The following PSMB10 variants were observed in gnomAD, a reference collection of about 807,000 sequenced individuals.
The protein encoded by PSMB10 is proteasome 20S subunit beta 10, also known as proteasome subunit beta type-10.
A neutral mutation model predicts 29.8 loss-of-function variants in PSMB10; 29 were observed. The ratio of observed to expected loss-of-function variants is 0.97; its 90% confidence interval spans 0.73 to 1.33. The LOEUF is 1.33. PSMB10 is among the 40% of genes most tolerant of loss of function. The pLI, the probability that PSMB10 is intolerant of heterozygous loss-of-function variation, is 0.00. For synonymous variants in PSMB10, 157 were observed against 164.7 expected, an observed-to-expected ratio of 0.95 and a Z score of 0.36; for missense variants, 327 against 369.2, an observed-to-expected ratio of 0.89 and a Z score of 0.94.
chr16:67,936,389 G>A lies in PSMB10; in HGVS notation c.144+9C>T. The A allele has an allele frequency of 6.2e-7, 1 of 1,612,174 alleles. No individual in the cohort carries two copies. On this transcript the variant is annotated intron_variant, in intron 2 of 7. Coordinates refer to ENST00000358514, the MANE Select transcript of PSMB10 (RefSeq NM_002801.4). ...CCCCTCCAGCTCCCCGTCCCTCCCC[G>A]CTGCTCACTTGGAACACCAGGCCCG... is the stretch of plus-strand genomic sequence containing the variant.
Position 67,936,724 on chromosome 16 carries a change from C to A in PSMB10, c.26G>T (p.Arg9Leu). 6.4e-7 allele frequency: 1 copy of A among 1,557,040 alleles called. No homozygotes were observed. Reference sequence around the variant, plus strand: ...GCAGTTCTCGAAGGAGAAGCCCCCTCGGGGCTCCAGGGCTGGCTTCAGCAT... The same window carrying A: ...GCAGTTCTCGAAGGAGAAGCCCCCTAGGGGCTCCAGGGCTGGCTTCAGCAT... MLKPALEP[R>L]GGFSFENCQR... Residue 9 changes from arginine (R) to leucine (L), a missense_variant, in exon 1 of 8, where the codon CGA becomes CTA. Transcript: ENST00000358514.
In PSMB10 at chr16:67,936,724, C is replaced by T. The variant is rs956621329; in HGVS notation, c.26G>A (p.Arg9Gln). The T allele has an allele frequency of 1.3e-6, 2 of 1,556,922 alleles. No homozygotes were observed. Among genetic ancestry groups the T allele is most frequent in the African/African-American group, 1.4e-5 (1 of 73,326 alleles). ...GCAGTTCTCGAAGGAGAAGCCCCCTCGGGGCTCCAGGGCTGGCTTCAGCAT... is the reference window on the plus strand; with the variant it reads ...GCAGTTCTCGAAGGAGAAGCCCCCTTGGGGCTCCAGGGCTGGCTTCAGCAT... The part of the protein sequence containing the change: MLKPALEP[R>Q]GGFSFENCQR... The change falls in exon 1 of 8, where the codon CGA (arginine) becomes CAA (glutamine). Residue 9 changes from arginine (R) to glutamine (Q), a missense_variant. Arg to Gln is a conservative substitution (Grantham distance 43, BLOSUM62 1). Coordinates refer to ENST00000358514, the MANE Select transcript of PSMB10 (RefSeq NM_002801.4).
intron 1 of PSMB10, 82 bp downstream of exon 1, chr16:67,936,612 T>G: frequency 1.5e-6 from 2 of 1,336,840 alleles, no homozygotes; most frequent in Non-Finnish European, 2.1e-6. Context: ...CAACACACCC[T>G]CCCCCACCCC....
chr16:67,936,032 T>G lies in PSMB10; in HGVS notation c.314A>C (p.His105Pro), dbSNP rs764556949. Residue 105 changes from histidine (H) to proline (P), a missense_variant, in exon 4 of 8, where the codon CAC becomes CCC. By Grantham distance (77) the His-to-Pro change is moderately conservative. Transcript: ENST00000358514. The part of the protein sequence containing the change: ...TRMVASKMEL[H>P]ALSTGREPRV... The stretch of plus-strand genomic sequence containing the variant: ...GGGCTCGCGGCCCGTAGATAACGCG[T>G]GTAGCTCCATCTTGGACGCCACCAT... 1.2e-6 allele frequency: 2 copies of G among 1,612,872 alleles called. No homozygotes were observed. The highest frequency in any genetic ancestry group is 4.5e-5 in the East Asian group (2 of 44,840).
chr16:67,934,544 A>G lies in PSMB10; in HGVS notation c.*16T>C. On this transcript the variant is annotated 3_prime_UTR_variant, in exon 8 of 8. Coordinates refer to ENST00000358514, the MANE Select transcript of PSMB10 (RefSeq NM_002801.4). The surrounding 1 kb of genome is among the most constrained non-coding windows in gnomAD (Gnocchi z 4.3). ...TCTGGGTTTATTCCCCCTTGTTCCA[A>G]GCTCTAAGCCTCAGCTTACTCCACC... 6.2e-7 allele frequency: 1 copy of G among 1,606,592 alleles called. No individual in the cohort carries two copies. The highest frequency in any genetic ancestry group is 8.5e-7 in the Non-Finnish European group (1 of 1,173,278).
Position 67,936,287 on chromosome 16 carries a change from G to T in PSMB10, c.170C>A (p.Thr57Lys). The T allele has an allele frequency of 6.2e-7, 1 of 1,612,862 alleles. No individual in the cohort carries two copies. The change falls in exon 3 of 8, where the codon ACG becomes AAG. Residue 57 changes from threonine to lysine, a missense_variant. Thr to Lys is a moderately conservative substitution (Grantham distance 78). Transcript: ENST00000358514. Reference sequence around the variant, plus strand: ...CACGACCGAATCGTTAGTGGCTCGCGTATCGGCGCCCAGAATGACCCCGTC... The same window carrying T: ...CACGACCGAATCGTTAGTGGCTCGCTTATCGGCGCCCAGAATGACCCCGTC... ...FQDGVILGAD[T>K]RATNDSVVAD... is the part of the protein sequence containing the mutation.
At chr16:67,936,367 C>G (rs755803173) in intron 2 of PSMB10, 31 bp downstream of exon 2, 1 of 1,611,350 alleles carries the variant, frequency 6.2e-7, no homozygotes, top group Middle Eastern at 1.7e-4. Flanking sequence ...CTCGGCTCCC[C>G]TCCAGCTCCC....
chr16:67,936,172 G>T (rs764536259), intron 3 of PSMB10, 43 bp downstream of exon 3: 127 of 1,611,448 alleles, frequency 7.9e-5, no homozygotes, highest in Non-Finnish European at 1.0e-4. Context: ...GAACGAGGGG[G>T]CCGTTCTTTT....
Position 67,934,805 on chromosome 16 carries a change from G to A in PSMB10, c.702C>T (p.Pro234=), listed in dbSNP as rs1253517974. The part of the protein sequence containing the change: ...LLRTLSSPTE[P]VKRSGRYHFV... ...CGATCTCCAGCTCTCACCTCTTCACGGGCTCTGTGGGTGAGCTCAGTGTCC... is the reference window on the plus strand; with the variant it reads ...CGATCTCCAGCTCTCACCTCTTCACAGGCTCTGTGGGTGAGCTCAGTGTCC... Residue 234 remains proline (P), a synonymous_variant, in exon 7 of 8, where the codon CCC becomes CCT. Coordinates refer to ENST00000358514, the MANE Select transcript of PSMB10 (RefSeq NM_002801.4). This position sits in a 1 kb window ranked among gnomAD's most constrained non-coding sequence, Gnocchi z 4.3. The A allele has an allele frequency of 5.0e-6, 8 of 1,613,620 alleles. No homozygotes were observed. The highest frequency in any genetic ancestry group is 6.8e-6 in the Non-Finnish European group (8 of 1,179,730).
intron 1 of PSMB10, 22 bp downstream of exon 1, chr16:67,936,672 G>A (rs1567406495): frequency 6.5e-7 from 1 of 1,545,412 alleles, no homozygotes. Context: ...AGGAGTGACC[G>A]CCCCCCGCGC....
In PSMB10 at chr16:67,934,897, C is replaced by T. The variant is rs2058256897; in HGVS notation, c.610G>A (p.Gly204Ser). Residue 204 changes from glycine (G) to serine (S), a missense_variant, in exon 7 of 8, where the codon GGT becomes AGT. Gly to Ser is a moderately conservative substitution (Grantham distance 56). Transcript: ENST00000358514. The surrounding 1 kb of genome is among the most constrained non-coding windows in gnomAD (Gnocchi z 4.3). ...ACATTGCCCCCGGAGCCCAGGTCACCCAAGATCCCGGCGGTGACGGCTTCC... is the reference window on the plus strand; with the variant it reads ...ACATTGCCCCCGGAGCCCAGGTCACTCAAGATCCCGGCGGTGACGGCTTCC... Reference protein sequence around the residue: ...LVEAVTAGILGDLGSGGNVDA... With the variant: ...LVEAVTAGILSDLGSGGNVDA... 5.6e-6 allele frequency: 9 copies of T among 1,613,664 alleles called. No individual in the cohort carries two copies. The highest frequency in any genetic ancestry group is 7.6e-6 in the Non-Finnish European group (9 of 1,180,026).
At chr16:67,935,308 ACCT>A (rs1421929533) in intron 6 of PSMB10, 109 bp downstream of exon 6, 6 of 1,330,026 alleles carry the variant, frequency 4.5e-6, no homozygotes, top group African/African-American at 2.9e-5. Context: ...TTCAGTGGTC[ACCT>A]CCTCCGACAA....
intron 4 of PSMB10, 39 bp from the exon 5 acceptor site, chr16:67,935,736 C>G: frequency 6.3e-7 from 1 of 1,598,692 alleles, no homozygotes; most frequent in South Asian, 1.1e-5. Flanking sequence ...AAGCTGGGGC[C>G]TAGGCCCCAC....
chr16:67,935,432 C>T lies in PSMB10; in HGVS notation c.546G>A (p.Gln182=). ...AALAVLEDRF[Q]PNMTLEAAQG... ...AGAGGCCGCTCACCGTCATGTTCGGCTGGAACCGGTCTTCTAGCACCGCCA... is the reference window on the plus strand; with the variant it reads ...AGAGGCCGCTCACCGTCATGTTCGGTTGGAACCGGTCTTCTAGCACCGCCA... The change falls in exon 6 of 8, where the codon CAG becomes CAA. Residue 182 remains glutamine (Q), a synonymous_variant. Transcript: ENST00000358514. 6.2e-7 allele frequency: 1 copy of T among 1,614,070 alleles called. No homozygotes were observed. The highest frequency in any genetic ancestry group is 8.5e-7 in the Non-Finnish European group (1 of 1,180,046).
At position 67,935,979 on chromosome 16, in the gene PSMB10, GC is replaced by G; in HGVS notation, c.366del (p.Arg123AlafsTer15). On this transcript the variant is annotated frameshift_variant, in exon 4 of 8. Transcript: ENST00000358514. LOFTEE classifies it high-confidence loss of function. ...CCCCCGCACCTGAAGAGCGTCTGGC[GC>G]AGGATGCGAGTGACCGTGGCCACGC... Reference protein sequence around the residue: ...EPRVATVTRILRQTLFRYQGH... With the variant: ...EPRVATVTRIXRQTLFRYQGH... 3.1e-6 allele frequency: 5 copies of G among 1,611,072 alleles called. No individual in the cohort carries two copies. The highest frequency in any genetic ancestry group is 4.2e-6 in the Non-Finnish European group (5 of 1,178,364).
In PSMB10 at chr16:67,935,988, G is replaced by T. The variant is rs770335398; in HGVS notation, c.358C>A (p.Arg120Ser). 5.0e-6 allele frequency: 8 copies of T among 1,611,960 alleles called. No individual in the cohort carries two copies. Among genetic ancestry groups the T allele is most frequent in the Middle Eastern group, 1.7e-4 (1 of 6,028 alleles). ...CTGAAGAGCGTCTGGCGCAGGATGC[G>T]AGTGACCGTGGCCACGCGGGGCTCG... ...GREPRVATVT[R>S]ILRQTLFRYQ... The change falls in exon 4 of 8, where the codon CGC (arginine) becomes AGC (serine). Residue 120 changes from arginine to serine, a missense_variant. Physicochemically the swap from Arg to Ser is moderately radical, Grantham distance 110. Coordinates refer to ENST00000358514, the MANE Select transcript of PSMB10 (RefSeq NM_002801.4).
At position 67,936,308 on chromosome 16, in the gene PSMB10, C is replaced by G. The variant is rs1005518146; in HGVS notation, c.149G>C (p.Gly50Ala). The change falls in exon 3 of 8, where the codon GGG becomes GCG. Residue 50 changes from glycine to alanine, a missense_variant. Physicochemically the swap from Gly to Ala is moderately conservative, Grantham distance 60. Coordinates refer to ENST00000358514, the MANE Select transcript of PSMB10 (RefSeq NM_002801.4). The part of the protein sequence containing the change: ...TTIAGLVFQD[G>A]VILGADTRAT... ...TCGCGTATCGGCGCCCAGAATGACC[C>G]CGTCCTGAGGAGAGGGAGGGACCGC... The G allele has an allele frequency of 6.2e-7, 1 of 1,613,406 alleles. No homozygotes were observed. Among genetic ancestry groups the G allele is most frequent in the African/African-American group, 1.3e-5 (1 of 74,890 alleles).
chr16:67,936,337 T>C (rs1197617419), intron 2 of PSMB10, 25 bp from the exon 3 acceptor site: 6 of 1,611,304 alleles, frequency 3.7e-6, no homozygotes, highest in Non-Finnish European at 5.1e-6. Flanking sequence ...GGACCGCAGC[T>C]TCAGTGCCTG....
rs1346041655 is a variant in PSMB10 at position 67,934,891 on chromosome 16, G to A, written c.616C>T (p.Leu206=). 6.2e-7 allele frequency: 1 copy of A among 1,613,702 alleles called. No homozygotes were observed. Among genetic ancestry groups the A allele is most frequent in the Non-Finnish European group, 8.5e-7 (1 of 1,180,024 alleles). The change falls in exon 7 of 8, where the codon CTG becomes TTG. Residue 206 remains leucine (L), a synonymous_variant. Transcript: ENST00000358514. This position sits in a 1 kb window ranked among gnomAD's most constrained non-coding sequence, Gnocchi z 4.3. ...EAVTAGILGD[L]GSGGNVDACV... is the part of the protein sequence containing the mutation. ...GCGTCCACATTGCCCCCGGAGCCCAGGTCACCCAAGATCCCGGCGGTGACG... is the reference window on the plus strand; with the variant it reads ...GCGTCCACATTGCCCCCGGAGCCCAAGTCACCCAAGATCCCGGCGGTGACG...
Sources: allele counts gnomAD v4.1 joint callset, GRCh38; gene constraint gnomAD v4.1.1; non-coding constraint Gnocchi (gnomAD v3.1); transcripts MANE v1.5; gene names NCBI Gene and HGNC (gene_info 2026-07-23, HGNC 2026-07-21).